The following ITPRID1 variants were observed in gnomAD, a reference collection of about 807,000 sequenced individuals.
ITPRID1 encodes the protein ITPR interacting domain containing 1.
A neutral mutation model predicts 95.4 loss-of-function variants in ITPRID1; 96 were observed. The ratio of observed to expected loss-of-function variants is 1.01; its 90% confidence interval spans 0.85 to 1.19. The LOEUF (loss-of-function observed/expected upper bound fraction) is 1.19, where lower values mean the gene tolerates loss of function less well. Among genes scored for constraint, ITPRID1 ranks in the 50% most tolerant of loss-of-function variants. ITPRID1 has a pLI of 0.00. For synonymous variants in ITPRID1, 510 were observed against 453.6 expected, an observed-to-expected ratio of 1.12 and a Z score of -1.58; for missense variants, 1,339 against 1,252.9, an observed-to-expected ratio of 1.07 and a Z score of -1.04.
chr7:31,613,965 C>A (rs1057045854), intron 10 of ITPRID1, among the ~76,000 whole-genome samples: 5 of 152,188 alleles, frequency 3.3e-5, no homozygotes, highest in Non-Finnish European at 5.9e-5. Context: ...GTACCTTAAG[C>A]AGTTAGGATT....
chr7:31,600,889 C>T (rs35135717), intron 10 of ITPRID1, among the ~76,000 whole-genome samples: 14,733 of 152,012 alleles, frequency 0.097, 889 homozygotes, highest in Middle Eastern at 0.15. Context: ...TGGCCTCTCC[C>T]TGGGGTTGCC....
intron 10 of ITPRID1, among the ~76,000 whole-genome samples, chr7:31,632,039 T>C (rs183086249): frequency 3.3e-3 from 502 of 152,300 alleles, no homozygotes; most frequent in Non-Finnish European, 5.3e-3. Flanking sequence ...GGTTCCACCA[T>C]GCTCTTTCCC....
At chr7:31,527,699 A>AG (rs951457475) in intron 1 of ITPRID1, among the ~76,000 whole-genome samples, 2 of 152,136 alleles carry the variant, frequency 1.3e-5, no homozygotes, top group African/African-American at 4.8e-5. Flanking sequence ...CACCTTACCT[A>AG]TTAGATTTCA....
intron 10 of ITPRID1, among the ~76,000 whole-genome samples, chr7:31,628,771 A>T (rs771013411): frequency 7.2e-5 from 11 of 152,072 alleles, no homozygotes; most frequent in Non-Finnish European, 1.5e-4. Flanking sequence ...GTGATTCTTG[A>T]TGGAAACTTT....
In ITPRID1 at chr7:31,611,331, T is replaced by TATTAA. The variant is rs567124778; in HGVS notation, c.1228+28143_1228+28144insAAATT. ...CAATTCCATTTTATAATTATTGCTT[T>TATTAA]ATTGTCTTTTAAAACAGATGAGAAT... On this transcript the variant is annotated intron_variant, in intron 10 of 14. Transcript: ENST00000615280. Among the ~76,000 whole-genome samples the TATTAA allele has an allele frequency of 4.7e-3, 715 of 151,934 alleles. 5 individuals carry two copies. Among genetic ancestry groups the TATTAA allele is most frequent in the African/African-American group, 0.016 (685 of 41,530 alleles).
chr7:31,593,503 A>G (rs896065180), intron 10 of ITPRID1, among the ~76,000 whole-genome samples: 1 of 152,198 alleles, frequency 6.6e-6, no homozygotes, highest in Admixed American at 6.5e-5. Context: ...CTCCACAAAA[A>G]TGGTAAACAA....
At chr7:31,621,203 ACTT>A (rs1267250437) in intron 10 of ITPRID1, among the ~76,000 whole-genome samples, 1 of 152,150 alleles carries the variant, frequency 6.6e-6, no homozygotes, top group Non-Finnish European at 1.5e-5. Context: ...ATCCAGGAGA[ACTT>A]CCCCAATCTA....
At chr7:31,595,070 C>CTTTT (rs958852739) in intron 10 of ITPRID1, among the ~76,000 whole-genome samples, 7 of 127,440 alleles carry the variant, frequency 5.5e-5, no homozygotes, top group African/African-American at 1.2e-4. Context: ...TTTATAATTT[C>CTTTT]TTTTTTTTTT....
chr7:31,611,711 T>C (rs73689145), intron 10 of ITPRID1, among the ~76,000 whole-genome samples: 1,919 of 152,146 alleles, frequency 0.013, 35 homozygotes, highest in African/African-American at 0.044. Context: ...GCATGGTTTC[T>C]GCTAAGAAGT....
chr7:31,520,607 A>G (rs1053915150), intron 1 of ITPRID1, among the ~76,000 whole-genome samples: 7 of 149,180 alleles, frequency 4.7e-5, no homozygotes, highest in Non-Finnish European at 8.9e-5. Flanking sequence ...ACTTTCTGGC[A>G]CTATAAAGTG....
intron 1 of ITPRID1, among the ~76,000 whole-genome samples, chr7:31,537,227 G>A (rs1783790759): frequency 6.6e-6 from 1 of 151,752 alleles, no homozygotes; most frequent in African/African-American, 2.4e-5. Flanking sequence ...CTCACATAAA[G>A]GTCATAGAAG....
intron 12 of ITPRID1, among the ~76,000 whole-genome samples, chr7:31,644,306 A>G (rs1274637567): frequency 3.9e-5 from 6 of 152,110 alleles, no homozygotes; most frequent in Non-Finnish European, 5.9e-5. Context: ...CTGTGTCTTA[A>G]ATTCGTTTAG....
intron 10 of ITPRID1, among the ~76,000 whole-genome samples, chr7:31,632,169 C>G (rs545221641): frequency 6.6e-6 from 1 of 152,184 alleles, no homozygotes; most frequent in Admixed American, 6.5e-5. Flanking sequence ...TTGACAGAGG[C>G]AGGGCGTGGT....
intron 1 of ITPRID1, among the ~76,000 whole-genome samples, chr7:31,523,712 C>T (rs901577358): frequency 6.6e-6 from 1 of 152,188 alleles, no homozygotes; most frequent in Non-Finnish European, 1.5e-5. Flanking sequence ...TCTTCACCTT[C>T]CACCATGATT....
chr7:31,581,785 G>T (rs1050457100), intron 9 of ITPRID1, among the ~76,000 whole-genome samples: 3 of 151,698 alleles, frequency 2.0e-5, no homozygotes, highest in South Asian at 4.2e-4. Flanking sequence ...CCATGATAAT[G>T]GTCATAGCAA....
At chr7:31,557,378 C>A (rs1366701041) in intron 5 of ITPRID1, among the ~76,000 whole-genome samples, 1 of 152,048 alleles carries the variant, frequency 6.6e-6, no homozygotes, top group Non-Finnish European at 1.5e-5. Flanking sequence ...TGGACTGGGC[C>A]CAAATAACAT....
intron 12 of ITPRID1, 72 bp from the exon 13 acceptor site, chr7:31,651,070 G>A (rs913311665): frequency 1.3e-6 from 2 of 1,522,598 alleles, no homozygotes; most frequent in African/African-American, 1.4e-5. Context: ...TGGGAAGACA[G>A]GCTCCACCAT....
chr7:31,658,139 T>G (rs1290063880), downstream of ITPRID1: 3 of 594,028 alleles, frequency 5.1e-6, no homozygotes, highest in East Asian at 9.4e-5. Flanking sequence ...CCTTGAGGGT[T>G]GCTCTGAACC....
chr7:31,564,023 C>T (rs542807459), intron 5 of ITPRID1, among the ~76,000 whole-genome samples: 205 of 152,112 alleles, frequency 1.3e-3, no homozygotes, highest in Non-Finnish European at 2.6e-3. Flanking sequence ...TAGAGCCCTG[C>T]GAAAATGTAA....
Sources: allele counts gnomAD v4.1 joint callset (sites outside exome capture counted in the v4.1 genomes callset), GRCh38; gene constraint gnomAD v4.1.1; transcripts MANE v1.5; gene names NCBI Gene and HGNC (gene_info 2026-07-23, HGNC 2026-07-21).